GRAMD2B: variants seen among roughly 807,000 people sequenced by gnomAD.
GRAMD2B encodes GRAM domain-containing protein 2B.
Under a neutral mutation model 59.2 loss-of-function variants are expected in GRAMD2B, and 41 were observed. The ratio of observed to expected loss-of-function variants is 0.69; its 90% confidence interval spans 0.54 to 0.90. GRAMD2B has a LOEUF of 0.90. GRAMD2B is among the 40% of genes least tolerant of loss of function. The pLI, the probability that GRAMD2B is intolerant of heterozygous loss-of-function variation, is 0.00. For synonymous variants in GRAMD2B, 161 were observed against 182.7 expected, an observed-to-expected ratio of 0.88 and a Z score of 0.96; for missense variants, 424 against 500.5, an observed-to-expected ratio of 0.85 and a Z score of 1.46.
At chr5:126,364,477 C>T (rs1046146243) in intron 1 of GRAMD2B, among the ~76,000 whole-genome samples, 1 of 152,212 alleles carries the variant, frequency 6.6e-6, no homozygotes, top group African/African-American at 2.4e-5. Context: ...AGGATCGCTT[C>T]CCGCTCTTGT....
At chr5:126,370,833 AAC>A (rs1373861021), upstream of GRAMD2B, among the ~76,000 whole-genome samples, 3 of 152,206 alleles carry the variant, frequency 2.0e-5, no homozygotes, top group African/African-American at 7.2e-5. Context: ...CAAAATATGC[AAC>A]CTGAATATTG....
chr5:126,390,996 C>T lies in GRAMD2B; in HGVS notation c.125+19429C>T, dbSNP rs72782479. 9.1e-3 allele frequency among the ~76,000 whole-genome samples: 1,378 copies of T among 152,204 alleles called. 6 individuals are homozygous for T. The highest frequency in any genetic ancestry group is 0.024 in the Middle Eastern group (7 of 294). ...CTCCAACTCCTCCCACCTTTAATTT[C>T]CATCCATCATATAGTAACAGATTGG... On this transcript the variant is annotated intron_variant, in intron 1 of 8. Transcript: ENST00000506445.
At chr5:126,467,508 G>A (rs1768678321) in intron 2 of GRAMD2B, 1 of 151,998 alleles carries the variant, frequency 6.6e-6, no homozygotes, top group Non-Finnish European at 1.5e-5. Flanking sequence ...AAATTATCAA[G>A]GGTAGAGCCA....
intron 1 of GRAMD2B, among the ~76,000 whole-genome samples, chr5:126,439,534 C>A (rs1335422213): frequency 6.6e-6 from 1 of 151,924 alleles, no homozygotes; most frequent in Non-Finnish European, 1.5e-5. Context: ...CCATGTTCAC[C>A]AGGCTGATCT....
chr5:126,423,451 G>C lies in GRAMD2B; in HGVS notation c.-156G>C. ...CGTGTCCAGGTCCGCGGCCCCGGGA[G>C]CTTGGCGCGGCCCGGCCTGGATGCG... On this transcript the variant is annotated 5_prime_UTR_variant, in exon 1 of 14. Coordinates refer to ENST00000285689, the MANE Select transcript of GRAMD2B (RefSeq NM_023927.4). 1 of 1,419,646 alleles carries C rather than the reference G, an allele frequency of 7.0e-7. No individual in the cohort carries two copies. The allele number at this position is 1,419,646 out of a possible 1,614,324, so 87.9% of individuals were successfully genotyped here. A position where few individuals can be genotyped will look rare whatever the true frequency, so the allele number is the denominator to read the frequency against.
chr5:126,397,866 A>T (rs532716753), intron 1 of GRAMD2B, among the ~76,000 whole-genome samples: 48 of 152,256 alleles, frequency 3.2e-4, no homozygotes, highest in Admixed American at 3.9e-4. Context: ...TGGTAGCAAG[A>T]TGATGATGGC....
chr5:126,441,397 G>A (rs557182110), intron 1 of GRAMD2B, among the ~76,000 whole-genome samples: 2 of 152,296 alleles, frequency 1.3e-5, no homozygotes, highest in African/African-American at 2.4e-5. Context: ...CCTCATTGGC[G>A]CTGCAGAGGA....
rs568275944 is a variant in GRAMD2B at position 126,448,766 on chromosome 5, G to A, written c.84-16660G>A. On this transcript the variant is annotated intron_variant, in intron 1 of 13. Coordinates refer to ENST00000285689, the MANE Select transcript of GRAMD2B (RefSeq NM_023927.4). Reference sequence around the variant, plus strand: ...GACCGGGCTTGGAAAGAGAAGGCTAGTCATAGTATGAGAGTAATAGAGGCT... The same window carrying A: ...GACCGGGCTTGGAAAGAGAAGGCTAATCATAGTATGAGAGTAATAGAGGCT... 8.6e-4 allele frequency among the ~76,000 whole-genome samples: 131 copies of A among 152,312 alleles called. 1 individual carries two copies. The highest frequency in any genetic ancestry group is 3.0e-3 in the African/African-American group (124 of 41,556).
At chr5:126,380,177 C>CT (rs1425281395) in intron 1 of GRAMD2B, among the ~76,000 whole-genome samples, 3 of 152,028 alleles carry the variant, frequency 2.0e-5, no homozygotes, top group African/African-American at 7.2e-5. Flanking sequence ...CCTTTCCCCA[C>CT]TTTTTGTTTT....
chr5:126,466,452 G>A (rs1768436491), intron 2 of GRAMD2B: 4 of 670,678 alleles, frequency 6.0e-6, no homozygotes, highest in Non-Finnish European at 8.1e-6. Context: ...TCCAGTCGGA[G>A]TCTCGCTCTG....
intron 1 of GRAMD2B, among the ~76,000 whole-genome samples, chr5:126,385,954 G>A (rs1395949247): frequency 6.6e-6 from 1 of 152,118 alleles, no homozygotes; most frequent in Non-Finnish European, 1.5e-5. Flanking sequence ...TCAAGTTGCT[G>A]AAAGAACACT....
intron 1 of GRAMD2B, among the ~76,000 whole-genome samples, chr5:126,430,596 G>A (rs1016724672): frequency 3.9e-5 from 6 of 151,952 alleles, no homozygotes; most frequent in East Asian, 3.8e-4. Flanking sequence ...TGGGTATTTC[G>A]TAGAAATCTT....
chr5:126,477,811 C>T, intron 6 of GRAMD2B, 24 bp downstream of exon 6: 3 of 1,444,392 alleles, frequency 2.1e-6, no homozygotes, highest in South Asian at 1.1e-5. Context: ...CGAGCGAGGG[C>T]ATCTTTGCTT....
rs1247380186 is a variant in GRAMD2B at position 126,474,333 on chromosome 5, T to C, written c.486+965T>C. ...CCACTGGCAATTGCATAAAGACCAC[T>C]TAACAAATCTAATAGGAATATTTTC... On this transcript the variant is annotated intron_variant, in intron 5 of 13. Transcript: ENST00000285689. 2.0e-5 allele frequency among the ~76,000 whole-genome samples: 3 copies of C among 152,370 alleles called. No homozygotes were observed. In the East Asian group the frequency reaches 5.8e-4, roughly 29 times the overall value.
In GRAMD2B at chr5:126,465,530, A is replaced by G; in HGVS notation, c.188A>G (p.Lys63Arg). 1 of 1,613,818 alleles carries G rather than the reference A, an allele frequency of 6.2e-7. No individual in the cohort carries two copies. The highest frequency in any genetic ancestry group is 8.5e-7 in the Non-Finnish European group (1 of 1,179,936). ...GAGGCGGACTCCCCAGACCAGAAGA[A>G]AATCATTAGCCTATGGTAAGTCCTC... ...SVEADSPDQK[K>R]IISLWSKSSF... Residue 63 changes from lysine to arginine, a missense_variant, in exon 2 of 14, where the codon AAA (lysine) becomes AGA (arginine). Physicochemically the swap from Lys to Arg is conservative, Grantham distance 26 (BLOSUM62 2). Coordinates refer to ENST00000285689, the MANE Select transcript of GRAMD2B (RefSeq NM_023927.4).
chr5:126,427,339 T>C (rs1760788559), intron 1 of GRAMD2B, among the ~76,000 whole-genome samples: 1 of 151,476 alleles, frequency 6.6e-6, no homozygotes, highest in Admixed American at 6.6e-5. Flanking sequence ...TTTAGTAATA[T>C]CCAGGTTACT....
upstream of GRAMD2B, among the ~76,000 whole-genome samples, chr5:126,367,842 T>C (rs1265691029): frequency 2.0e-5 from 3 of 152,252 alleles, no homozygotes; most frequent in South Asian, 4.1e-4. Flanking sequence ...AGCTCCACCT[T>C]CCCGGTTCAC....
chr5:126,462,305 T>C (rs1767518245), intron 1 of GRAMD2B: 2 of 397,718 alleles, frequency 5.0e-6, no homozygotes, highest in Admixed American at 6.4e-5. Flanking sequence ...TCAGCTTCAT[T>C]GACAGTAACT....
At chr5:126,383,107 G>A (rs925125446) in intron 1 of GRAMD2B, among the ~76,000 whole-genome samples, 1 of 152,194 alleles carries the variant, frequency 6.6e-6, no homozygotes, top group African/African-American at 2.4e-5. Context: ...GCCGGGGAGT[G>A]AAGTAAACTC....
Sources: gnomAD v4.1 joint callset for allele counts (sites outside exome capture counted in the v4.1 genomes callset) on GRCh38, gnomAD v4.1.1 for gene constraint, MANE v1.5 for transcripts, NCBI Gene and HGNC (gene_info 2026-07-23, HGNC 2026-07-21) for gene names.